MYBBP1A: variants seen among roughly 807,000 people sequenced by gnomAD.
MYBBP1A encodes the protein myb-binding protein 1A.
Under a neutral mutation model 136.3 loss-of-function variants are expected in MYBBP1A, and 147 were observed. That is an observed-to-expected ratio of 1.08 (90% CI 0.94 to 1.24). The LOEUF (loss-of-function observed/expected upper bound fraction) is 1.24. MYBBP1A is among the 50% of genes most tolerant of loss of function. The pLI is 0.00. For missense variants in MYBBP1A, 2,060 were observed against 1,727.4 expected (o/e 1.19, Z -3.41); for synonymous variants, 947 against 735.8 (o/e 1.29, Z -4.65).
rs1907233623 is a variant in MYBBP1A at position 4,548,751 on chromosome 17, A to G, written c.1431-102T>C. On this transcript the variant is annotated intron_variant, in intron 10 of 25. Transcript: ENST00000254718. The surrounding 1 kb of genome is among the most constrained non-coding windows in gnomAD (Gnocchi z 4.2). The stretch of plus-strand genomic sequence containing the variant: ...CCGAGGGTACAAGGCCAGGAGGAGG[A>G]GGAGCCGCCCTTCTGCCCTGGGTAC... The G allele has an allele frequency of 4.0e-6, 6 of 1,509,978 alleles. No individual in the cohort carries two copies. The South Asian group carries it at 7.4e-5, about 19-fold the overall frequency. 93.5% of individuals were successfully genotyped at this position (1,509,978 alleles called of 1,614,324 possible). A position where few individuals can be genotyped will look rare whatever the true frequency, so the allele number is the denominator to read the frequency against.
rs138017738 is a variant in MYBBP1A at position 4,550,223 on chromosome 17, A to G, written c.1154T>C (p.Leu385Pro). The change falls in exon 9 of 26, where the codon CTC (leucine) becomes CCC (proline). Residue 385 changes from leucine (L) to proline (P), a missense_variant. Transcript: ENST00000254718. ...VAFSSVTNQG[L>P]PVTPTFWRVV... is the part of the protein sequence containing the mutation. ...CCGCCAGAAAGTAGGCGTGACAGGGAGGCCTTGGTTGGTGACAGATGAGAA... is the reference window on the plus strand; with the variant it reads ...CCGCCAGAAAGTAGGCGTGACAGGGGGGCCTTGGTTGGTGACAGATGAGAA... 31 of 1,613,808 alleles carry G rather than the reference A, an allele frequency of 1.9e-5. No individual in the cohort carries two copies. The African/African-American group carries it at 2.9e-4, about 15-fold the overall frequency.
chr17:4,549,250 G>T, intron 10 of MYBBP1A, 82 bp downstream of exon 10: 1 of 1,205,346 alleles, frequency 8.3e-7, no homozygotes, highest in Non-Finnish European at 1.2e-6. Context: ...TGGCTCCAGG[G>T]GATGCAAACT....
rs763691034 is a variant in MYBBP1A at position 4,545,794 on chromosome 17, G to A, written c.1922-33C>T. On this transcript the variant is annotated intron_variant, in intron 14 of 25. Transcript: ENST00000254718. ...AGGGAGGGGTTGAGCCCGGATAGGGGACCGCTGGCCCCACCCCACCACTCT... is the reference window on the plus strand; with the variant it reads ...AGGGAGGGGTTGAGCCCGGATAGGGAACCGCTGGCCCCACCCCACCACTCT... 13 of 1,607,896 alleles carry A rather than the reference G, an allele frequency of 8.1e-6. No homozygotes were observed. The Admixed American group carries it at 1.7e-4, about 21-fold the overall frequency.
Position 4,542,698 on chromosome 17 carries a change from G to T in MYBBP1A, c.2936C>A (p.Ser979Ter), listed in dbSNP as rs771084817. 1 of 1,614,024 alleles carries T rather than the reference G, an allele frequency of 6.2e-7. No homozygotes were observed. The highest frequency in any genetic ancestry group is 2.2e-5 in the East Asian group (1 of 44,876). ...GGTCAGGAAGGAGCTCAGTGCTGTCGAGTACACCCGGGTCACCAGGTTCAA... is the reference window on the plus strand; with the variant it reads ...GGTCAGGAAGGAGCTCAGTGCTGTCTAGTACACCCGGGTCACCAGGTTCAA... ...LDLNLVTRVY[S>*]TALSSFLTKR... The change falls in exon 21 of 26, where the codon TCG becomes TAG. Residue 979 changes from serine (S) to a stop codon, truncating the protein, a stop_gained. Transcript: ENST00000254718. LOFTEE classifies it high-confidence loss of function.
Position 4,548,521 on chromosome 17 carries a change from C to T in MYBBP1A, c.1556+3G>A. ...GACCTCTCCTGGGCTGCCCAAGACT[C>T]ACCTGAAGAAGGCACTGCTGACAGC... is the stretch of plus-strand genomic sequence containing the variant. On this transcript the variant is annotated splice_donor_region_variant and intron_variant, in intron 11 of 25. Coordinates refer to ENST00000254718, the MANE Select transcript of MYBBP1A (RefSeq NM_014520.4). The surrounding 1 kb of genome is among the most constrained non-coding windows in gnomAD (Gnocchi z 4.2). 6.2e-7 allele frequency: 1 copy of T among 1,614,010 alleles called. No individual in the cohort carries two copies. The highest frequency in any genetic ancestry group is 8.5e-7 in the Non-Finnish European group (1 of 1,180,036).
In MYBBP1A at chr17:4,555,272, C is replaced by T. The variant is rs1409422025; in HGVS notation, c.53G>A (p.Ser18Asn). The stretch of plus-strand genomic sequence containing the variant: ...ATAGCGGTCGGCAGGCCGGGCGCCA[C>T]TCTGCGTCGCTTCTCCAGGCGACAT... ...QPMSPGEATQ[S>N]GARPADRYGL... The change falls in exon 1 of 26, where the codon AGT (serine) becomes AAT (asparagine). Residue 18 changes from serine to asparagine, a missense_variant. Physicochemically the swap from Ser to Asn is conservative, Grantham distance 46 (BLOSUM62 1). Coordinates refer to ENST00000254718, the MANE Select transcript of MYBBP1A (RefSeq NM_014520.4). The T allele has an allele frequency of 6.2e-7, 1 of 1,611,008 alleles. No homozygotes were observed. Among genetic ancestry groups the T allele is most frequent in the Non-Finnish European group, 8.5e-7 (1 of 1,179,252 alleles).
In MYBBP1A at chr17:4,540,268, TGCAGCGTGTGTGTGTGTGCA is replaced by T. The variant is rs957851036; in HGVS notation, c.3434+60_3434+79del. ...CAGTGTGCGTGTGCAGCAGCGTGTG[TGCAGCGTGTGTGTGTGTGCA>T]GCAGCGTGAGGGTGTTCCCAGCCCC... On this transcript the variant is annotated intron_variant, in intron 25 of 25. Transcript: ENST00000254718. The T allele has an allele frequency of 6.7e-6, 10 of 1,489,884 alleles. No individual in the cohort carries two copies. The African/African-American group carries it at 1.4e-4, about 21-fold the overall frequency. The allele number at this position is 1,489,884 out of a possible 1,614,324, so 92.3% of individuals were successfully genotyped here.
chr17:4,546,912 C>CTT (rs750174532), intron 13 of MYBBP1A, among the ~76,000 whole-genome samples: 17 of 136,784 alleles, frequency 1.2e-4, no homozygotes, highest in African/African-American at 3.1e-4. Flanking sequence ...TGGGCTGCAC[C>CTT]TTTTTTTTTT....
rs1252382595 is a variant in MYBBP1A, at chr17:4,543,057, G to A, written c.2748C>T (p.Asp916=). ...RLVQQAGRQP[D]SPTALYHFNA... Reference sequence around the variant, plus strand: ...TGAAGTGGTAGAGGGCGGTGGGGGAGTCGGGCTGGCGGCCAGCCTGCTGCA... The same window carrying A: ...TGAAGTGGTAGAGGGCGGTGGGGGAATCGGGCTGGCGGCCAGCCTGCTGCA... The change falls in exon 20 of 26, where the codon GAC becomes GAT. Residue 916 remains aspartate, a synonymous_variant. Transcript: ENST00000254718. 1 of 1,613,354 alleles carries A rather than the reference G, an allele frequency of 6.2e-7. No individual in the cohort carries two copies. The highest frequency in any genetic ancestry group is 8.5e-7 in the Non-Finnish European group (1 of 1,179,974).
intron 10 of MYBBP1A, among the ~76,000 whole-genome samples, 189 bp downstream of exon 10, chr17:4,549,143 T>C (rs367750371): frequency 6.6e-6 from 1 of 152,220 alleles, no homozygotes; most frequent in Non-Finnish European, 1.5e-5. Context: ...CCCCTGCAGC[T>C]GGGGTGCCTC....
rs757805532 is a variant in MYBBP1A at position 4,542,759 on chromosome 17, G to C, written c.2893-18C>G. The C allele has an allele frequency of 3.7e-6, 6 of 1,612,530 alleles. No homozygotes were observed. The highest frequency in any genetic ancestry group is 5.1e-6 in the Non-Finnish European group (6 of 1,179,154). On this transcript the variant is annotated intron_variant, in intron 20 of 25. Transcript: ENST00000254718. ...CTGGCAGCCTAGGCCAGGGGAGAGC[G>C]AGCTGGGTGAGGCCAGGAGAGGGGT...
In MYBBP1A at chr17:4,550,078, G is replaced by T; in HGVS notation, c.1299C>A (p.Ala433=). 6.2e-7 allele frequency: 1 copy of T among 1,613,182 alleles called. No individual in the cohort carries two copies. Among genetic ancestry groups the T allele is most frequent in the South Asian group, 1.1e-5 (1 of 91,052 alleles). Residue 433 remains alanine (A), a synonymous_variant, in exon 9 of 26, where the codon GCC becomes GCA. Coordinates refer to ENST00000254718, the MANE Select transcript of MYBBP1A (RefSeq NM_014520.4). ...VDFSTNNQKK[A]QDSSLHMPER... is the part of the protein sequence containing the mutation. ...CTCACATGTGGAGCGATGAATCCTG[G>T]GCTTTCTTCTGGTTGTTGGTGCTGA...
At chr17:4,547,428 C>G (rs1169257742) in intron 13 of MYBBP1A, among the ~76,000 whole-genome samples, 1 of 152,186 alleles carries the variant, frequency 6.6e-6, no homozygotes, top group African/African-American at 2.4e-5. Context: ...ATAACCAAAG[C>G]TGGCAAGTAA....
At position 4,542,325 on chromosome 17, in the gene MYBBP1A, C is replaced by T. The variant is rs574106244; in HGVS notation, c.3087+139G>A. On this transcript the variant is annotated intron_variant, in intron 22 of 25. Coordinates refer to ENST00000254718, the MANE Select transcript of MYBBP1A (RefSeq NM_014520.4). ...ACCCCCTTCAGAGACCATGTACCCA[C>T]AGCCAAGCCAGTGGGGCAGGGACAG... 6.6e-5 allele frequency: 66 copies of T among 1,006,896 alleles called. No individual in the cohort carries two copies. In the African/African-American group the frequency reaches 9.5e-4, roughly 15 times the overall value. 62.4% of individuals were successfully genotyped at this position (1,006,896 alleles called of 1,614,324 possible).
rs958068957 is a variant in MYBBP1A at position 4,548,864 on chromosome 17, C to G, written c.1431-215G>C. On this transcript the variant is annotated intron_variant, in intron 10 of 25. Transcript: ENST00000254718. The surrounding 1 kb of genome is among the most constrained non-coding windows in gnomAD (Gnocchi z 4.2). ...CCGTTTCTCTGCTCTGGATCCCCAG[C>G]TGAACGCGGGTTAACCCGAGCTAGA... is the stretch of plus-strand genomic sequence containing the variant. Among the ~76,000 whole-genome samples the G allele has an allele frequency of 3.9e-5, 6 of 152,234 alleles. No individual in the cohort carries two copies. The highest frequency in any genetic ancestry group is 6.5e-5 in the Admixed American group (1 of 15,288).
rs758310816 is a variant in MYBBP1A at position 4,539,380 on chromosome 17, TGGAGG to T, written c.*30_*34del. ...AAAAAAAATAGGCGTCTCAGGCAGATGGAGGCAGGGGCTGAGGGGGGCCCGTACCT... is the reference window on the plus strand; with the variant it reads ...AAAAAAAATAGGCGTCTCAGGCAGATCAGGGGCTGAGGGGGGCCCGTACCT... On this transcript the variant is annotated 3_prime_UTR_variant, in exon 26 of 26. Transcript: ENST00000254718. The T allele has an allele frequency of 6.5e-7, 1 of 1,537,732 alleles. No individual in the cohort carries two copies.
At position 4,538,934 on chromosome 17, in the gene MYBBP1A, G is replaced by C. The variant is rs1555538752; in HGVS notation, c.*481C>G. ...TCCTCTTCCTTCCGGAAGCCAAACT[G>C]CTCCTTTATTTTTTAGAGCTGCTGA... On this transcript the variant is annotated 3_prime_UTR_variant, in exon 26 of 26. Transcript: ENST00000254718. 3.8e-6 allele frequency: 3 copies of C among 783,132 alleles called. No homozygotes were observed. The highest frequency in any genetic ancestry group is 7.1e-6 in the Non-Finnish European group (3 of 420,030). The allele number at this position is 783,132 out of a possible 1,614,324, so 48.5% of individuals were successfully genotyped here.
At chr17:4,541,403 G>GAGGCCCCA in intron 24 of MYBBP1A, 60 bp downstream of exon 24, 1 of 1,454,024 alleles carries the variant, frequency 6.9e-7, no homozygotes, top group Non-Finnish European at 9.6e-7. Context: ...TGCTGGCCGG[G>GAGGCCCCA]AGGCCCCAAG....
Position 4,539,567 on chromosome 17 carries a change from T to C in MYBBP1A, c.3835A>G (p.Lys1279Glu), listed in dbSNP as rs763421223. 19 of 1,614,136 alleles carry C rather than the reference T, an allele frequency of 1.2e-5. No homozygotes were observed. Among genetic ancestry groups the C allele is most frequent in the Non-Finnish European group, 1.6e-5 (19 of 1,180,022 alleles). Residue 1279 changes from lysine to glutamate, a missense_variant, in exon 26 of 26, where the codon AAG becomes GAG. Transcript: ENST00000254718. ...TEPAGQKQHQ[K>E]ALPKKGVLGK... ...AAGACCCCCTTTTTGGGAAGAGCCT[T>C]CTGATGCTGCTTTTGGCCTGCAGGT...
Sources: allele counts gnomAD v4.1 joint callset (sites outside exome capture counted in the v4.1 genomes callset), GRCh38; gene constraint gnomAD v4.1.1; non-coding constraint Gnocchi (gnomAD v3.1); transcripts MANE v1.5; gene names NCBI Gene and HGNC (gene_info 2026-07-23, HGNC 2026-07-21).